Variants in C12orf42 observed in about 807,000 individuals in gnomAD.
C12orf42 encodes the protein uncharacterized protein C12orf42.
In C12orf42, 25 loss-of-function variants were observed where a neutral mutation model predicts 21.6. The ratio of observed to expected loss-of-function variants is 1.16; its 90% CI spans 0.84 to 1.62. The LOEUF is 1.62. C12orf42 is among the 40% of genes most tolerant of loss of function. The pLI is 0.00. For missense variants in C12orf42, 483 were observed against 459.3 expected, an observed-to-expected ratio of 1.05 and a Z score of -0.47; for synonymous variants, 174 against 175.0, an observed-to-expected ratio of 0.99 and a Z score of 0.05.
the C12orf42 span, among the ~76,000 whole-genome samples, chr12:103,184,880 G>A: frequency 5.9e-5 from 9 of 152,102 alleles, no homozygotes; most frequent in Non-Finnish European, 1.0e-4. Context: ...TGATTAGGAT[G>A]TAGACAGGTG....
chr12:103,357,238 T>C (rs930796114), intron 4 of C12orf42, among the ~76,000 whole-genome samples: 1 of 151,686 alleles, frequency 6.6e-6, no homozygotes, highest in Non-Finnish European at 1.5e-5. Context: ...ATGGCACATG[T>C]GTACATATGT....
the C12orf42 span, chr12:103,081,466 C>A: frequency 6.6e-6 from 1 of 152,060 alleles, no homozygotes; most frequent in Non-Finnish European, 1.5e-5. Flanking sequence ...CCTTTTATTT[C>A]TAGGATCCCA....
the C12orf42 span, among the ~76,000 whole-genome samples, chr12:103,152,818 T>C: frequency 3.9e-5 from 6 of 152,022 alleles, no homozygotes; most frequent in Non-Finnish European, 7.4e-5. Flanking sequence ...AAGACTTTTA[T>C]ACTAAAAGCT....
intron 1 of C12orf42, among the ~76,000 whole-genome samples, chr12:103,494,530 GT>G (rs1276748911): frequency 6.6e-6 from 1 of 151,290 alleles, no homozygotes; most frequent in Non-Finnish European, 1.5e-5. Flanking sequence ...ATGGGTGGGG[GT>G]TTTTTAAGCA....
the C12orf42 span, among the ~76,000 whole-genome samples, chr12:103,512,516 C>A: frequency 4.9e-3 from 742 of 152,124 alleles, 4 homozygotes; most frequent in African/African-American, 0.017. Flanking sequence ...TGATAGATAC[C>A]CTAAGTAGCC....
At chr12:103,315,682 G>A (rs1332084291) in intron 4 of C12orf42, among the ~76,000 whole-genome samples, 1 of 152,102 alleles carries the variant, frequency 6.6e-6, no homozygotes. Context: ...TAAAATTAAT[G>A]ACAGACACAA....
At chr12:103,540,296 G>A in the C12orf42 span, among the ~76,000 whole-genome samples, 10 of 152,124 alleles carry the variant, frequency 6.6e-5, no homozygotes, top group African/African-American at 2.2e-4. Context: ...GTGAGCTACC[G>A]CGCCCGGCCG....
chr12:103,054,993 G>A, the C12orf42 span, among the ~76,000 whole-genome samples: 1 of 151,514 alleles, frequency 6.6e-6, no homozygotes, highest in Non-Finnish European at 1.5e-5. Context: ...GAAGATTTTT[G>A]CGTCTATATT....
At chr12:103,374,651 A>T (rs1336266179) in intron 3 of C12orf42, among the ~76,000 whole-genome samples, 2 of 152,174 alleles carry the variant, frequency 1.3e-5, no homozygotes, top group Non-Finnish European at 2.9e-5. Flanking sequence ...ACGCCAACAC[A>T]CAAAATAACC....
chr12:103,513,955 T>C, the C12orf42 span, among the ~76,000 whole-genome samples: 2 of 152,204 alleles, frequency 1.3e-5, no homozygotes, highest in African/African-American at 4.8e-5. Context: ...TATTAATCCA[T>C]TCTCATGTTG....
At chr12:103,422,444 C>T (rs751965734) in intron 2 of C12orf42, among the ~76,000 whole-genome samples, 4 of 152,182 alleles carry the variant, frequency 2.6e-5, no homozygotes, top group Admixed American at 2.6e-4. Flanking sequence ...ACTAGACACA[C>T]GCCACAGAGG....
the C12orf42 span, among the ~76,000 whole-genome samples, chr12:103,554,608 G>T: frequency 6.6e-6 from 1 of 151,976 alleles, no homozygotes; most frequent in Non-Finnish European, 1.5e-5. Flanking sequence ...TCAGCTTTTG[G>T]TTCTATGGGC....
At chr12:103,219,466 A>G in the C12orf42 span, among the ~76,000 whole-genome samples, 3 of 152,226 alleles carry the variant, frequency 2.0e-5, no homozygotes, top group Non-Finnish European at 2.9e-5. Context: ...CATCAGACTG[A>G]ACAGACAACC....
At chr12:103,124,063 A>T in the C12orf42 span, among the ~76,000 whole-genome samples, 14 of 151,828 alleles carry the variant, frequency 9.2e-5, no homozygotes, top group Admixed American at 9.2e-4. Flanking sequence ...CATGATAAGA[A>T]GACTCTGTAT....
downstream of C12orf42, among the ~76,000 whole-genome samples, chr12:103,233,071 C>T (rs139446469): frequency 0.016 from 2,435 of 152,306 alleles, 59 homozygotes; most frequent in African/African-American, 0.053. Context: ...ATTAACATTG[C>T]TAACAAGACT....
chr12:103,139,132 GA>G, the C12orf42 span, among the ~76,000 whole-genome samples: 24 of 152,166 alleles, frequency 1.6e-4, 1 homozygote, highest in African/African-American at 5.1e-4. Context: ...TACCAAAGTG[GA>G]AATGAGACCT....
At position 103,437,244 on chromosome 12, in the gene C12orf42, G is replaced by A. The variant is rs1224793843; in HGVS notation, c.79-35569C>T. Among the ~76,000 whole-genome samples the A allele has an allele frequency of 5.9e-5, 9 of 152,256 alleles. No individual in the cohort carries two copies. In the East Asian group the frequency reaches 1.5e-3, roughly 26 times the overall value. On this transcript the variant is annotated intron_variant, in intron 2 of 5. Coordinates refer to ENST00000548883, the MANE Select transcript of C12orf42 (RefSeq NM_198521.5). ...CACAACATACCAGAATCTCTGGGATGCATTCAAAGCAGTGTGTAGAGGGAA... is the reference window on the plus strand; with the variant it reads ...CACAACATACCAGAATCTCTGGGATACATTCAAAGCAGTGTGTAGAGGGAA...
Position 103,302,310 on chromosome 12 carries a change from T to C in C12orf42, c.881A>G (p.Asp294Gly). ...GGAGGTGTCCGCCTGAGGCCTCCTG[T>C]CCCGCGGGGTATGAGGATGCTTGGG... ...MLPKHPHTPRDRRPQADTSLH... is the reference protein window; with the variant it reads ...MLPKHPHTPRGRRPQADTSLH... The change falls in exon 6 of 6, where the codon GAC becomes GGC. Residue 294 changes from aspartate to glycine, a missense_variant. Coordinates refer to ENST00000548883, the MANE Select transcript of C12orf42 (RefSeq NM_198521.5). 1.9e-6 allele frequency: 3 copies of C among 1,613,822 alleles called. No homozygotes were observed. The highest frequency in any genetic ancestry group is 2.5e-6 in the Non-Finnish European group (3 of 1,179,850).
chr12:103,081,170 C>T, the C12orf42 span: 1 of 152,198 alleles, frequency 6.6e-6, no homozygotes, highest in Non-Finnish European at 1.5e-5. Context: ...TTCTCATTCA[C>T]CATCTTCCTT....
Sources: allele counts gnomAD v4.1 joint callset (sites outside exome capture counted in the v4.1 genomes callset), GRCh38; gene constraint gnomAD v4.1.1; transcripts MANE v1.5; gene names NCBI Gene and HGNC (gene_info 2026-07-23, HGNC 2026-07-21).